Variants in USP32 observed in about 807,000 individuals in gnomAD.
USP32 encodes the protein ubiquitin carboxyl-terminal hydrolase 32.
Under a neutral mutation model 204.8 loss-of-function variants are expected in USP32, and 59 were observed. That is an observed-to-expected ratio of 0.29 (90% CI 0.23 to 0.36). The LOEUF is 0.36. Among genes scored for constraint, USP32 ranks in the 10% least tolerant of loss-of-function variants. The pLI is 1.00. For missense variants in USP32, 1,160 were observed against 1,946.4 expected (o/e 0.60, Z 7.60); for synonymous variants, 517 against 678.4 (o/e 0.76, Z 3.70).
chr17:60,256,310 GA>G (rs1210772581), intron 9 of USP32, among the ~76,000 whole-genome samples: 1 of 152,152 alleles, frequency 6.6e-6, no homozygotes, highest in Non-Finnish European at 1.5e-5. Flanking sequence ...AAGGCAGGGA[GA>G]GGGGTAGGCA....
At chr17:60,213,880 T>C (rs2085034328) in intron 17 of USP32, among the ~76,000 whole-genome samples, 1 of 152,172 alleles carries the variant, frequency 6.6e-6, no homozygotes, top group South Asian at 2.1e-4. Flanking sequence ...TTTCTCTTTT[T>C]TAAAATTTCA....
chr17:60,280,249 A>G (rs977144215), intron 5 of USP32, among the ~76,000 whole-genome samples: 6 of 151,984 alleles, frequency 3.9e-5, no homozygotes, highest in Non-Finnish European at 5.9e-5. Context: ...GGCGTCCACC[A>G]CCACACCCAG....
intron 12 of USP32, among the ~76,000 whole-genome samples, chr17:60,233,643 G>A (rs1008797677): frequency 2.0e-5 from 3 of 152,116 alleles, no homozygotes; most frequent in Non-Finnish European, 4.4e-5. Context: ...TAAAAAATCT[G>A]TCAGTGTGCA....
chr17:60,288,635 G>C lies in USP32; in HGVS notation c.459C>G (p.Asn153Lys). ...YEKFRNWLFL[N>K]KDAFTFSRWL... ...ATCGAGAGAAAGTAAAAGCATCTTT[G>C]TTTAGAAAAAGCCAATTTCTAAACT... is the stretch of plus-strand genomic sequence containing the variant. The change falls in exon 5 of 34, where the codon AAC (asparagine) becomes AAG (lysine). Residue 153 changes from asparagine to lysine, a missense_variant. Asn to Lys is a moderately conservative substitution (Grantham distance 94). Coordinates refer to ENST00000300896, the MANE Select transcript of USP32 (RefSeq NM_032582.4). 5 of 1,612,614 alleles carry C rather than the reference G, an allele frequency of 3.1e-6. No homozygotes were observed. Among genetic ancestry groups the C allele is most frequent in the Non-Finnish European group, 4.2e-6 (5 of 1,179,454 alleles).
intron 2 of USP32, among the ~76,000 whole-genome samples, chr17:60,330,272 C>T (rs993041185): frequency 2.6e-5 from 4 of 152,116 alleles, no homozygotes; most frequent in East Asian, 1.9e-4. Flanking sequence ...TGCTGTTCTA[C>T]GCTTTTCATC....
At chr17:60,211,858 G>A (rs908115225) in intron 19 of USP32, among the ~76,000 whole-genome samples, 166 bp downstream of exon 19, 8 of 151,544 alleles carry the variant, frequency 5.3e-5, no homozygotes, top group African/African-American at 1.9e-4. Flanking sequence ...ATTTGATGGT[G>A]GGTTTGCCAA....
chr17:60,362,413 T>C (rs1361282114), intron 1 of USP32, among the ~76,000 whole-genome samples: 1 of 152,196 alleles, frequency 6.6e-6, no homozygotes, highest in East Asian at 1.9e-4. Context: ...AATGCTCCCA[T>C]TCTGAAACAT....
intron 5 of USP32, among the ~76,000 whole-genome samples, chr17:60,280,949 A>G (rs1012647625): frequency 3.3e-5 from 5 of 152,240 alleles, no homozygotes; most frequent in African/African-American, 1.2e-4. Context: ...TTTCATAGTA[A>G]GACTCACTAA....
chr17:60,279,938 G>T (rs908340820), intron 5 of USP32, among the ~76,000 whole-genome samples: 1 of 151,494 alleles, frequency 6.6e-6, no homozygotes, highest in African/African-American at 2.4e-5. Flanking sequence ...AATTAGTTAA[G>T]ATGTATTAAA....
At chr17:60,184,314 CA>C (rs35229069) in intron 30 of USP32, among the ~76,000 whole-genome samples, 4,289 of 89,532 alleles carry the variant, frequency 0.048, 215 homozygotes, top group African/African-American at 0.13. Flanking sequence ...GACTCCGTCT[CA>C]AAAAAAAAAA....
At chr17:60,399,109 G>A (rs2089918034) in intron 1 of USP32, among the ~76,000 whole-genome samples, 1 of 152,156 alleles carries the variant, frequency 6.6e-6, no homozygotes, top group African/African-American at 2.4e-5. Context: ...CCTAGGGAAT[G>A]TGAATCTCGA....
chr17:60,389,694 A>G (rs12051773), intron 1 of USP32, among the ~76,000 whole-genome samples: 5,203 of 151,978 alleles, frequency 0.034, 151 homozygotes, highest in South Asian at 0.072. Context: ...TTTTGCTTTA[A>G]TTTTCCTCTA....
At chr17:60,289,268 A>G (rs2087207134) in intron 4 of USP32, among the ~76,000 whole-genome samples, 1 of 152,138 alleles carries the variant, frequency 6.6e-6, no homozygotes, top group Admixed American at 6.6e-5. Flanking sequence ...TCGGCCTCCC[A>G]AAGTGCTGGG....
intron 11 of USP32, among the ~76,000 whole-genome samples, chr17:60,251,334 A>C (rs1051559546): frequency 2.0e-4 from 31 of 152,230 alleles, no homozygotes; most frequent in African/African-American, 7.5e-4. Flanking sequence ...AAAACTTAGA[A>C]AATATATCTA....
At chr17:60,275,325 C>T (rs533710632) in intron 5 of USP32, among the ~76,000 whole-genome samples, 6 of 152,126 alleles carry the variant, frequency 3.9e-5, no homozygotes, top group African/African-American at 9.6e-5. Context: ...GGTGTGGTGG[C>T]GTGTGCCTGT....
upstream of USP32, among the ~76,000 whole-genome samples, chr17:60,393,095 A>C (rs548754610): frequency 5.1e-4 from 78 of 151,616 alleles, no homozygotes; most frequent in Non-Finnish European, 9.4e-4. Flanking sequence ...CAAAAGGGAA[A>C]CTCTGTGCCT....
Position 60,411,433 on chromosome 17 carries a change from G to A in USP32, c.106+10813C>T, listed in dbSNP as rs1399648724. On this transcript the variant is annotated intron_variant, in intron 1 of 3. Transcript: ENST00000588898. ...AGGCTGAGGTGGGAGGATCACTTGA[G>A]CCCAGGAGTCAAGGCTTCAGTTTGA... Among the ~76,000 whole-genome samples, 4 of 129,206 alleles carry A rather than the reference G, an allele frequency of 3.1e-5. 1 individual carries two copies. The highest frequency in any genetic ancestry group is 1.9e-4 in the Admixed American group (2 of 10,666). The allele number at this position is 129,206 out of a possible 152,430, so 84.8% of individuals were successfully genotyped here.
intron 11 of USP32, among the ~76,000 whole-genome samples, chr17:60,250,949 CTT>C (rs951336634): frequency 5.6e-5 from 8 of 143,700 alleles, no homozygotes; most frequent in Admixed American, 2.1e-4. Context: ...CCTTTCTTTT[CTT>C]TTTTTTTTTT....
rs555503529 is a variant in USP32, at chr17:60,408,331, T to C, written c.106+13915A>G. ...AAAAAGAACCAGATGGAACTTCTAGTGGTGAAAAATACAGTATCTGAACTT... is the reference window on the plus strand; with the variant it reads ...AAAAAGAACCAGATGGAACTTCTAGCGGTGAAAAATACAGTATCTGAACTT... On this transcript the variant is annotated intron_variant, in intron 1 of 3. Transcript: ENST00000588898. Among the ~76,000 whole-genome samples, 99 of 152,100 alleles carry C rather than the reference T, an allele frequency of 6.5e-4. 1 individual carries two copies. Among genetic ancestry groups the C allele is most frequent in the African/African-American group, 2.2e-3 (93 of 41,508 alleles).
Sources: allele counts gnomAD v4.1 joint callset (sites outside exome capture counted in the v4.1 genomes callset), GRCh38; gene constraint gnomAD v4.1.1; transcripts MANE v1.5; gene names NCBI Gene and HGNC (gene_info 2026-07-23, HGNC 2026-07-21).